Variants in ST8SIA6 observed in about 807,000 individuals in gnomAD.
ST8SIA6 encodes the protein alpha-2,8-sialyltransferase 8F.
ST8SIA6 carries 39 observed loss-of-function variants against 33.6 expected under a neutral mutation model. The observed-to-expected ratio is 1.16, with a 90% CI of 0.90 to 1.52. ST8SIA6 has a LOEUF of 1.52. Ranked by LOEUF, ST8SIA6 falls within the 40% of genes most tolerant of loss-of-function variation. The pLI is 0.00. For synonymous variants in ST8SIA6, 172 were observed against 167.2 expected (o/e 1.03, Z -0.22); for missense variants, 441 against 443.8 (o/e 0.99, Z 0.06).
chr10:17,390,400 G>A (rs1850545910), intron 3 of ST8SIA6, 131 bp downstream of exon 3: 1 of 728,764 alleles, frequency 1.4e-6, no homozygotes, highest in South Asian at 2.3e-5. Context: ...ATTAACAGGA[G>A]CTTCAGAGCC....
intron 3 of ST8SIA6, among the ~76,000 whole-genome samples, chr10:17,364,420 T>C (rs1438110348): frequency 1.3e-5 from 2 of 152,184 alleles, no homozygotes; most frequent in Non-Finnish European, 2.9e-5. Flanking sequence ...TTAGATATAC[T>C]TCTGGCCATT....
chr10:17,358,674 AAG>A (rs1207975404), intron 4 of ST8SIA6, among the ~76,000 whole-genome samples: 3 of 71,526 alleles, frequency 4.2e-5, no homozygotes, highest in Non-Finnish European at 2.9e-5. Context: ...GGAAAGAAGA[AAG>A]AAGAAGAGGA....
intron 2 of ST8SIA6, among the ~76,000 whole-genome samples, chr10:17,452,092 G>A (rs1468176960): frequency 6.6e-6 from 1 of 152,232 alleles, no homozygotes; most frequent in Non-Finnish European, 1.5e-5. Flanking sequence ...CTCGGGAAAA[G>A]ATGGAATGCT....
At chr10:17,329,316 G>T (rs1848227002) in intron 5 of ST8SIA6, among the ~76,000 whole-genome samples, 2 of 152,182 alleles carry the variant, frequency 1.3e-5, no homozygotes, top group Admixed American at 6.5e-5. Context: ...TGGCAGAACT[G>T]GGATAGGAAC....
intron 6 of ST8SIA6, among the ~76,000 whole-genome samples, chr10:17,326,402 G>T (rs1442920543): frequency 6.6e-6 from 1 of 152,140 alleles, no homozygotes; most frequent in Non-Finnish European, 1.5e-5. Flanking sequence ...TGGCTTATTA[G>T]TACAAGGCAC....
intron 2 of ST8SIA6, among the ~76,000 whole-genome samples, chr10:17,394,748 C>G (rs1302695098): frequency 1.3e-5 from 2 of 152,198 alleles, no homozygotes; most frequent in African/African-American, 4.8e-5. Context: ...CAGATCCCAT[C>G]TAAGAGGTTG....
At chr10:17,433,531 G>A (rs960164613) in intron 2 of ST8SIA6, among the ~76,000 whole-genome samples, 4 of 152,134 alleles carry the variant, frequency 2.6e-5, no homozygotes, top group Non-Finnish European at 5.9e-5. Flanking sequence ...CAGATGCTGG[G>A]TCCATGGTAG....
At chr10:17,349,955 TACAC>T in intron 4 of ST8SIA6, among the ~76,000 whole-genome samples, 1 of 146,926 alleles carries the variant, frequency 6.8e-6, no homozygotes, top group South Asian at 2.2e-4. Flanking sequence ...CACACACACA[TACAC>T]ACACAAATGA....
At chr10:17,334,551 A>AAATATT (rs1554785997) in intron 4 of ST8SIA6, among the ~76,000 whole-genome samples, 7 of 142,774 alleles carry the variant, frequency 4.9e-5, no homozygotes, top group South Asian at 2.2e-4. Flanking sequence ...AAAAAAAAAA[A>AAATATT]ATTATTATTA....
rs1028914771 is a variant in ST8SIA6 at position 17,454,546 on chromosome 10, G to A, written c.-291C>T. 6.6e-6 allele frequency among the ~76,000 whole-genome samples: 1 copy of A among 151,942 alleles called. No individual in the cohort carries two copies. The highest frequency in any genetic ancestry group is 6.6e-5 in the Admixed American group (1 of 15,262). On this transcript the variant is annotated 5_prime_UTR_variant, in exon 1 of 8. Coordinates refer to ENST00000377602, the MANE Select transcript of ST8SIA6 (RefSeq NM_001004470.3). This position sits in a 1 kb window ranked among gnomAD's most constrained non-coding sequence, Gnocchi z 4.1. The stretch of plus-strand genomic sequence containing the variant: ...CGCCGAGCTCGCCGCCTGTCCTCCC[G>A]GAGGCGCTCGGAGCTGCTGCGGGCT...
At chr10:17,434,184 G>A (rs1163002214) in intron 2 of ST8SIA6, among the ~76,000 whole-genome samples, 1 of 152,168 alleles carries the variant, frequency 6.6e-6, no homozygotes, top group African/African-American at 2.4e-5. Flanking sequence ...CTTGGGAGCA[G>A]GGACAGATGC....
chr10:17,453,696 G>C, intron 1 of ST8SIA6, 39 bp from the exon 2 acceptor site: 1 of 1,255,962 alleles, frequency 8.0e-7, no homozygotes, highest in Non-Finnish European at 1.0e-6. Context: ...GCTACACCCC[G>C]CCGGGAGCTG....
intron 2 of ST8SIA6, among the ~76,000 whole-genome samples, chr10:17,437,224 A>G (rs560077379): frequency 1.4e-4 from 21 of 152,274 alleles, no homozygotes; most frequent in Admixed American, 1.2e-3. Flanking sequence ...CAGTGGCGCA[A>G]TCACAGCTCA....
intron 3 of ST8SIA6, among the ~76,000 whole-genome samples, chr10:17,386,528 C>T (rs567648222): frequency 6.6e-6 from 1 of 152,226 alleles, no homozygotes; most frequent in South Asian, 2.1e-4. Context: ...GACGGTGAGA[C>T]TGTCTCCAAG....
At chr10:17,335,036 T>C (rs1848459180) in intron 4 of ST8SIA6, among the ~76,000 whole-genome samples, 1 of 152,182 alleles carries the variant, frequency 6.6e-6, no homozygotes, top group Non-Finnish European at 1.5e-5. Context: ...TTTCATAGAA[T>C]CTCCTTGTGA....
intron 2 of ST8SIA6, among the ~76,000 whole-genome samples, chr10:17,437,691 CCCTTCCCTTCCTTCCCTT>C (rs549453597): frequency 1.4e-5 from 2 of 141,058 alleles, no homozygotes; most frequent in Admixed American, 7.3e-5. Context: ...TTCTCTTTCT[CCCTTCCCTTCCTTCCCTT>C]CCTTCCCTTC....
chr10:17,383,274 T>A (rs1160905112), intron 3 of ST8SIA6, among the ~76,000 whole-genome samples: 9 of 152,202 alleles, frequency 5.9e-5, no homozygotes, highest in Non-Finnish European at 1.2e-4. Context: ...CTTTTTCTAA[T>A]CTAATTAATC....
At chr10:17,433,471 A>T (rs1852162535) in intron 2 of ST8SIA6, among the ~76,000 whole-genome samples, 1 of 152,258 alleles carries the variant, frequency 6.6e-6, no homozygotes, top group Non-Finnish European at 1.5e-5. Flanking sequence ...TAACAAAAAT[A>T]TAAACATAAT....
intron 2 of ST8SIA6, among the ~76,000 whole-genome samples, chr10:17,448,328 T>C (rs1192818653): frequency 6.6e-6 from 1 of 152,098 alleles, no homozygotes; most frequent in Non-Finnish European, 1.5e-5. Context: ...ACCAGGACAT[T>C]CAAAGAATAA....
Sources: allele counts gnomAD v4.1 joint callset (sites outside exome capture counted in the v4.1 genomes callset), GRCh38; gene constraint gnomAD v4.1.1; non-coding constraint Gnocchi (gnomAD v3.1); transcripts MANE v1.5; gene names NCBI Gene and HGNC (gene_info 2026-07-23, HGNC 2026-07-21).